The following PTPRE variants were observed in gnomAD, a reference collection of about 807,000 sequenced individuals.
PTPRE encodes the protein protein tyrosine phosphatase receptor type E.
PTPRE carries 51 observed loss-of-function variants against 102.0 expected under a neutral mutation model. The ratio of observed to expected loss-of-function variants is 0.50; its 90% CI spans 0.40 to 0.63. PTPRE has a LOEUF of 0.63. PTPRE is among the 30% of genes least tolerant of loss of function. The pLI is 0.00. For synonymous variants in PTPRE, 345 were observed against 348.2 expected (o/e 0.99, Z 0.10); for missense variants, 752 against 915.1 (o/e 0.82, Z 2.30).
At position 127,907,300 on chromosome 10, in the gene PTPRE, C is replaced by T. The variant is rs1180198489; in HGVS notation, c.-40C>T. ...AGCGCGATCTGCGCGACCAGACCGG[C>T]CCCCCCGAGGTGAGCGCGCGTGCGG... On this transcript the variant is annotated 5_prime_UTR_variant, in exon 1 of 21. Transcript: ENST00000254667. The surrounding 1 kb of genome is among the most constrained non-coding windows in gnomAD (Gnocchi z 4.8). 1.8e-5 allele frequency: 18 copies of T among 983,970 alleles called. No homozygotes were observed. The highest frequency in any genetic ancestry group is 2.2e-5 in the Non-Finnish European group (18 of 829,168). 61.0% of individuals were successfully genotyped at this position (983,970 alleles called of 1,614,324 possible).
At position 128,079,958 on chromosome 10, in the gene PTPRE, G is replaced by A. The variant is rs544591210; in HGVS notation, c.2028+263G>A. 1.4e-4 allele frequency among the ~76,000 whole-genome samples: 22 copies of A among 152,284 alleles called. No homozygotes were observed. In the South Asian group the frequency reaches 3.1e-3, roughly 22 times the overall value. ...AATGTCTGAGACCACTCGGAGAGAC[G>A]CACTGAGGATAGGAGCTTTTGTGTC... On this transcript the variant is annotated intron_variant, in intron 20 of 20. Transcript: ENST00000254667.
At chr10:128,074,911 C>A (rs963875083) in intron 17 of PTPRE, among the ~76,000 whole-genome samples, 2 of 152,194 alleles carry the variant, frequency 1.3e-5, no homozygotes, top group Admixed American at 1.3e-4. Flanking sequence ...TTCTCCACAT[C>A]CTCACCAACA....
chr10:128,020,123 C>T (rs60026581), intron 2 of PTPRE, among the ~76,000 whole-genome samples: 26,281 of 151,952 alleles, frequency 0.17, 2,616 homozygotes, highest in Admixed American at 0.21. Context: ...ATTGTCAGAT[C>T]GGAGGCAGAG....
chr10:128,025,493 A>G (rs1375542861), intron 2 of PTPRE, among the ~76,000 whole-genome samples: 3 of 152,216 alleles, frequency 2.0e-5, no homozygotes, highest in African/African-American at 7.2e-5. Flanking sequence ...TTTACAGACG[A>G]GTAAACTGCA....
chr10:127,966,657 G>T (rs1175990054), intron 1 of PTPRE, among the ~76,000 whole-genome samples: 3 of 152,146 alleles, frequency 2.0e-5, no homozygotes, highest in Non-Finnish European at 4.4e-5. Flanking sequence ...CCACCCCAAG[G>T]TTAAGATGGA....
chr10:127,914,732 G>T (rs376205782), intron 1 of PTPRE, among the ~76,000 whole-genome samples: 1 of 152,130 alleles, frequency 6.6e-6, no homozygotes, highest in African/African-American at 2.4e-5. Flanking sequence ...TGTTCTAGAC[G>T]TAGGAGAGAA....
At chr10:128,046,358 C>T (rs145193092) in intron 3 of PTPRE, among the ~76,000 whole-genome samples, 2 of 152,280 alleles carry the variant, frequency 1.3e-5, no homozygotes, top group African/African-American at 4.8e-5. Flanking sequence ...ATGGACCCTG[C>T]GCTGGGCTCA....
chr10:127,952,583 C>A (rs1427186176), intron 1 of PTPRE, among the ~76,000 whole-genome samples: 1 of 152,126 alleles, frequency 6.6e-6, no homozygotes, highest in East Asian at 1.9e-4. Flanking sequence ...TCACCTACAG[C>A]CCCTACCCAA....
chr10:128,017,117 C>A (rs1252894614), intron 2 of PTPRE, among the ~76,000 whole-genome samples: 1 of 152,118 alleles, frequency 6.6e-6, no homozygotes, highest in South Asian at 2.1e-4. Flanking sequence ...AGCCCAGCAT[C>A]CAGTGAGCAG....
rs150447888 is a variant in PTPRE, at chr10:128,038,091, G to A, written c.-7-2784G>A. 5.0e-3 allele frequency among the ~76,000 whole-genome samples: 754 copies of A among 151,588 alleles called. 8 individuals carry two copies. The highest frequency in any genetic ancestry group is 5.7e-3 in the African/African-American group (236 of 41,288). Reference sequence around the variant, plus strand: ...ACTGGGATTACAGGCATGAGCCACCGCGTCTGGCCCAGCATGATTTTAATC... The same window carrying A: ...ACTGGGATTACAGGCATGAGCCACCACGTCTGGCCCAGCATGATTTTAATC... On this transcript the variant is annotated intron_variant, in intron 2 of 20. Coordinates refer to ENST00000254667, the MANE Select transcript of PTPRE (RefSeq NM_006504.6).
At chr10:128,015,831 G>A (rs1288411757) in intron 2 of PTPRE, among the ~76,000 whole-genome samples, 1 of 152,184 alleles carries the variant, frequency 6.6e-6, no homozygotes, top group Non-Finnish European at 1.5e-5. Context: ...AAATAAAAGG[G>A]GAGAGCTGGA....
intron 2 of PTPRE, among the ~76,000 whole-genome samples, chr10:127,985,542 C>T (rs1173327363): frequency 2.0e-5 from 3 of 151,920 alleles, no homozygotes; most frequent in African/African-American, 7.3e-5. Context: ...CAGGATTGTG[C>T]CACTGCACTC....
chr10:128,055,758 C>T (rs1372601236), intron 6 of PTPRE, among the ~76,000 whole-genome samples: 1 of 152,204 alleles, frequency 6.6e-6, no homozygotes, highest in Non-Finnish European at 1.5e-5. Context: ...ACAGTTCTGT[C>T]GTAGTCAGTT....
intron 2 of PTPRE, among the ~76,000 whole-genome samples, chr10:128,007,765 T>A (rs915324858): frequency 1.3e-5 from 2 of 152,202 alleles, no homozygotes; most frequent in Non-Finnish European, 2.9e-5. Flanking sequence ...ATGAGAGTCT[T>A]GTACTGTCTC....
At chr10:128,040,086 G>T (rs1211806411) in intron 2 of PTPRE, among the ~76,000 whole-genome samples, 3 of 152,126 alleles carry the variant, frequency 2.0e-5, no homozygotes, top group Non-Finnish European at 4.4e-5. Flanking sequence ...ATAAATACCT[G>T]CATCCCAGGG....
At chr10:127,970,621 T>C (rs78858407) in intron 1 of PTPRE, among the ~76,000 whole-genome samples, 10,458 of 151,982 alleles carry the variant, frequency 0.069, 594 homozygotes, top group African/African-American at 0.15. Flanking sequence ...ACCGATGAAA[T>C]GATGCCTACG....
Position 128,070,530 on chromosome 10 carries a change from GC to G in PTPRE, c.1293+82del. 3 of 1,517,636 alleles carry G rather than the reference GC, an allele frequency of 2.0e-6. No homozygotes were observed. The highest frequency in any genetic ancestry group is 3.5e-4 in the Middle Eastern group (2 of 5,686). 94.0% of individuals were successfully genotyped at this position (1,517,636 alleles called of 1,614,324 possible). On this transcript the variant is annotated intron_variant, in intron 14 of 20. Transcript: ENST00000254667. The surrounding 1 kb of genome is among the most constrained non-coding windows in gnomAD (Gnocchi z 4.8). ...GAAAACAGGTGACCATTTAAAGGAA[GC>G]CTCTTTCAATCACTTGCCCCTTAAC...
intron 2 of PTPRE, among the ~76,000 whole-genome samples, chr10:128,033,569 A>G (rs541987745): frequency 6.6e-6 from 1 of 152,348 alleles, no homozygotes; most frequent in Non-Finnish European, 1.5e-5. Context: ...ATATGATTAT[A>G]TAAGTTTGGG....
At chr10:127,974,623 A>T (rs1253036387) in intron 1 of PTPRE, among the ~76,000 whole-genome samples, 1 of 152,088 alleles carries the variant, frequency 6.6e-6, no homozygotes, top group African/African-American at 2.4e-5. Context: ...ATTTTTTTTA[A>T]TCTCTAAATC....
Sources: allele counts gnomAD v4.1 joint callset (sites outside exome capture counted in the v4.1 genomes callset), GRCh38; gene constraint gnomAD v4.1.1; non-coding constraint Gnocchi (gnomAD v3.1); transcripts MANE v1.5; gene names NCBI Gene and HGNC (gene_info 2026-07-23, HGNC 2026-07-21).